The following SIPA1L1 variants were observed in gnomAD, a reference collection of about 807,000 sequenced individuals.
The protein encoded by SIPA1L1 is signal induced proliferation associated 1 like 1.
Under a neutral mutation model 162.7 loss-of-function variants are expected in SIPA1L1, and 26 were observed. That is an observed-to-expected ratio of 0.16 (90% confidence interval 0.12 to 0.22). The LOEUF (loss-of-function observed/expected upper bound fraction) is 0.22, where lower values mean the gene tolerates loss of function less well. SIPA1L1 is among the 10% of genes least tolerant of loss of function. The pLI, the probability that SIPA1L1 is intolerant of heterozygous loss-of-function variation, is 1.00. For missense variants in SIPA1L1, 1,874 were observed against 2,241.0 expected, an observed-to-expected ratio of 0.84 and a Z score of 3.31; for synonymous variants, 829 against 837.4, an observed-to-expected ratio of 0.99 and a Z score of 0.17.
intron 3 of SIPA1L1, among the ~76,000 whole-genome samples, chr14:71,516,410 A>G (rs1334010364): frequency 6.6e-6 from 1 of 152,118 alleles, no homozygotes; most frequent in Non-Finnish European, 1.5e-5. Context: ...TTTCTGAGAC[A>G]GGGTCTTGCT....
chr14:71,513,549 G>A lies in SIPA1L1; in HGVS notation c.-362+704G>A, dbSNP rs1595852251. On this transcript the variant is annotated intron_variant, in intron 3 of 23. Transcript: ENST00000381232. ...GTTGCTTAGGTTTGTGTGCAGTGGT[G>A]CAGTCATAGCTCACTGTAACCTCAA... Among the ~76,000 whole-genome samples, 3 of 152,236 alleles carry A rather than the reference G, an allele frequency of 2.0e-5. No homozygotes were observed. The South Asian group carries it at 6.2e-4, about 32-fold the overall frequency.
chr14:71,365,756 G>C (rs562128597), intron 2 of SIPA1L1, among the ~76,000 whole-genome samples: 107 of 150,140 alleles, frequency 7.1e-4, no homozygotes, highest in African/African-American at 2.4e-3. Context: ...AGCAGGGTCT[G>C]GCTCTGTCAC....
intron 2 of SIPA1L1, among the ~76,000 whole-genome samples, chr14:71,508,984 G>A (rs959400359): frequency 1.3e-5 from 2 of 152,138 alleles, no homozygotes; most frequent in Admixed American, 6.5e-5. Flanking sequence ...CCCATAAGAT[G>A]TGTGAGTTTT....
At chr14:71,708,315 T>C (rs1407505108) in intron 16 of SIPA1L1, among the ~76,000 whole-genome samples, 1 of 151,422 alleles carries the variant, frequency 6.6e-6, no homozygotes, top group Non-Finnish European at 1.5e-5. Context: ...AACTTTATTC[T>C]TTCTTTCTTT....
At chr14:71,470,233 C>T (rs1217869668) in intron 2 of SIPA1L1, among the ~76,000 whole-genome samples, 1 of 152,226 alleles carries the variant, frequency 6.6e-6, no homozygotes, top group Non-Finnish European at 1.5e-5. Context: ...CACCCAGCTA[C>T]TTTCTCTCTC....
At chr14:71,461,888 A>G (rs142106281) in intron 2 of SIPA1L1, among the ~76,000 whole-genome samples, 156 of 152,200 alleles carry the variant, frequency 1.0e-3, no homozygotes, top group African/African-American at 3.5e-3. Flanking sequence ...CTGTCAACTG[A>G]TGATAGGGAA....
chr14:71,599,147 CTTTTTTTTTT>C (rs35037397), intron 5 of SIPA1L1, among the ~76,000 whole-genome samples: 6 of 106,200 alleles, frequency 5.6e-5, no homozygotes, highest in Admixed American at 4.8e-4. Context: ...TGATTTCATT[CTTTTTTTTTT>C]TTTTTTTTTT....
chr14:71,457,231 T>C (rs1470031238), intron 2 of SIPA1L1, among the ~76,000 whole-genome samples: 1 of 152,182 alleles, frequency 6.6e-6, no homozygotes, highest in Non-Finnish European at 1.5e-5. Flanking sequence ...AAAGAGAAAT[T>C]GTCAGCATCT....
intron 5 of SIPA1L1, among the ~76,000 whole-genome samples, chr14:71,617,910 C>G (rs2039010439): frequency 1.3e-5 from 2 of 152,176 alleles, no homozygotes; most frequent in African/African-American, 4.8e-5. Context: ...CTGTGAACAT[C>G]TCATGTATGT....
chr14:71,394,994 A>T (rs2041066641), intron 2 of SIPA1L1, among the ~76,000 whole-genome samples: 1 of 152,186 alleles, frequency 6.6e-6, no homozygotes, highest in African/African-American at 2.4e-5. Context: ...ATATGATGCT[A>T]TTGAAATAAG....
At chr14:71,412,141 T>C (rs1465860439) in intron 2 of SIPA1L1, among the ~76,000 whole-genome samples, 1 of 152,210 alleles carries the variant, frequency 6.6e-6, no homozygotes, top group Non-Finnish European at 1.5e-5. Context: ...AGGCCAGTTG[T>C]GTAAAAACAG....
At chr14:71,652,334 C>T (rs894521305) in intron 8 of SIPA1L1, among the ~76,000 whole-genome samples, 13 of 152,154 alleles carry the variant, frequency 8.5e-5, no homozygotes, top group Admixed American at 2.6e-4. Flanking sequence ...GATAAGACTT[C>T]GTTCTGTGTG....
chr14:71,704,671 C>T, intron 15 of SIPA1L1: 1 of 1,409,944 alleles, frequency 7.1e-7, no homozygotes, highest in Middle Eastern at 1.8e-4. Context: ...CAAAAGGAAG[C>T]AATTGTTTTA....
chr14:71,351,018 T>C (rs1216323221), intron 2 of SIPA1L1, among the ~76,000 whole-genome samples: 2 of 152,186 alleles, frequency 1.3e-5, no homozygotes, highest in Non-Finnish European at 2.9e-5. Context: ...TGAAATAGTT[T>C]TATTGTTAAC....
intron 4 of SIPA1L1, among the ~76,000 whole-genome samples, chr14:71,557,410 C>G (rs983129431): frequency 3.9e-5 from 6 of 152,154 alleles, no homozygotes; most frequent in African/African-American, 2.4e-5. Flanking sequence ...CCATTAATTT[C>G]ATAAGAAAAG....
At chr14:71,681,032 C>T (rs1035038327) in intron 12 of SIPA1L1, among the ~76,000 whole-genome samples, 4 of 152,214 alleles carry the variant, frequency 2.6e-5, no homozygotes, top group African/African-American at 9.6e-5. Flanking sequence ...CTATTCCCTT[C>T]CCAGCACTTC....
intron 2 of SIPA1L1, among the ~76,000 whole-genome samples, chr14:71,446,399 C>G (rs1172607400): frequency 6.6e-6 from 1 of 151,252 alleles, no homozygotes; most frequent in East Asian, 1.9e-4. Flanking sequence ...AATTTTTTAT[C>G]TTATTTAAAT....
In SIPA1L1 at chr14:71,730,132, G is replaced by A. The variant is rs141905323; in HGVS notation, c.4692G>A (p.Ser1564=). 1.3e-5 allele frequency: 21 copies of A among 1,613,964 alleles called. No individual in the cohort carries two copies. The highest frequency in any genetic ancestry group is 2.2e-5 in the East Asian group (1 of 44,894). ...TSRRALHRTL[S]DESIYNSQRE... ...GGCGGGCCTTGCACAGAACACTGTC[G>A]GACGAGAGCATTTACAATAGCCAGA... Residue 1564 remains serine, a synonymous_variant, in exon 20 of 24, where the codon TCG becomes TCA. Coordinates refer to ENST00000381232, the MANE Select transcript of SIPA1L1 (RefSeq NM_001386936.1).
chr14:71,597,502 G>A (rs1041789212), intron 5 of SIPA1L1, among the ~76,000 whole-genome samples: 16 of 152,060 alleles, frequency 1.1e-4, no homozygotes, highest in African/African-American at 3.4e-4. Context: ...GTGGCTTATT[G>A]TAAATGGCTT....
Sources: gnomAD v4.1 joint callset for allele counts (sites outside exome capture counted in the v4.1 genomes callset) on GRCh38, gnomAD v4.1.1 for gene constraint, MANE v1.5 for transcripts, NCBI Gene and HGNC (gene_info 2026-07-23, HGNC 2026-07-21) for gene names.